Variants in TOP6BL observed in about 807,000 individuals in gnomAD.
The protein encoded by TOP6BL is type 2 DNA topoisomerase 6 subunit B-like.
At chr11:66,749,682 C>G in the TOP6BL span, among the ~76,000 whole-genome samples, 4 of 152,060 alleles carry the variant, frequency 2.6e-5, no homozygotes, top group Non-Finnish European at 4.4e-5. Context: ...CTGCCTCAGC[C>G]TCCTGAGTAG....
chr11:66,750,251 C>T, the TOP6BL span, among the ~76,000 whole-genome samples: 1 of 152,074 alleles, frequency 6.6e-6, no homozygotes. Flanking sequence ...GTCAGTTACA[C>T]ACACATATGG....
At chr11:66,775,917 A>T in the TOP6BL span, among the ~76,000 whole-genome samples, 5 of 151,870 alleles carry the variant, frequency 3.3e-5, no homozygotes, top group Admixed American at 6.6e-5. Flanking sequence ...ATTATGAATG[A>T]TATTCATTTT....
the TOP6BL span, among the ~76,000 whole-genome samples, chr11:66,778,995 C>G: frequency 6.6e-6 from 1 of 152,132 alleles, no homozygotes; most frequent in Non-Finnish European, 1.5e-5. Context: ...TTCCTTACAC[C>G]TTATACAAAA....
chr11:66,813,617 C>G, the TOP6BL span, among the ~76,000 whole-genome samples: 7 of 152,112 alleles, frequency 4.6e-5, no homozygotes, highest in Non-Finnish European at 1.0e-4. Context: ...CCTGTAATCC[C>G]AGCTACTTGG....
At chr11:66,773,458 ATTATC>A in the TOP6BL span, among the ~76,000 whole-genome samples, 1 of 151,038 alleles carries the variant, frequency 6.6e-6, no homozygotes, top group Admixed American at 6.6e-5. Flanking sequence ...AATTTTCCTT[ATTATC>A]TTTCTAATGT....
the TOP6BL span, among the ~76,000 whole-genome samples, chr11:66,745,311 G>C: frequency 3.6e-4 from 54 of 150,144 alleles, 4 homozygotes; most frequent in African/African-American, 9.5e-4. Context: ...TTGCGGGGCG[G>C]GGTGGGGGGA....
chr11:66,831,925 C>T, the TOP6BL span, among the ~76,000 whole-genome samples: 599 of 130,834 alleles, frequency 4.6e-3, 7 homozygotes, highest in African/African-American at 0.016. Flanking sequence ...TGAACCCGGG[C>T]GGCAGAAGTT....
At chr11:66,793,844 A>G in the TOP6BL span, among the ~76,000 whole-genome samples, 1 of 151,322 alleles carries the variant, frequency 6.6e-6, no homozygotes, top group Non-Finnish European at 1.5e-5. Context: ...GCAGTGGCTT[A>G]TGTGTAATTC....
At chr11:66,796,423 C>A in the TOP6BL span, 2 of 1,317,636 alleles carry the variant, frequency 1.5e-6, no homozygotes, top group Non-Finnish European at 2.2e-6. Flanking sequence ...TTTCCAGAGA[C>A]CTTTACTGTG....
chr11:66,821,619 A>G, the TOP6BL span: 4 of 1,578,920 alleles, frequency 2.5e-6, no homozygotes, highest in African/African-American at 5.4e-5. Flanking sequence ...TATAGTGATA[A>G]TTTTACCTTC....
the TOP6BL span, chr11:66,756,632 CTG>C: frequency 1.4e-6 from 1 of 697,128 alleles, no homozygotes; most frequent in African/African-American, 1.9e-5. Flanking sequence ...AGAGACTTAT[CTG>C]TAAAATACAT....
At chr11:66,827,244 T>G in the TOP6BL span, among the ~76,000 whole-genome samples, 16 of 151,716 alleles carry the variant, frequency 1.1e-4, no homozygotes, top group African/African-American at 3.9e-4. Context: ...GAGACAGGGT[T>G]TCTCCATGTT....
chr11:66,774,161 A>T, the TOP6BL span, among the ~76,000 whole-genome samples: 1 of 152,082 alleles, frequency 6.6e-6, no homozygotes, highest in Admixed American at 6.6e-5. Context: ...TTTATTTATG[A>T]TGTAAGTTAG....
chr11:66,801,418 A>T, the TOP6BL span, among the ~76,000 whole-genome samples: 1 of 152,212 alleles, frequency 6.6e-6, no homozygotes, highest in Non-Finnish European at 1.5e-5. Flanking sequence ...CTTTACTTGA[A>T]TTCTTGGCTA....
At chr11:66,773,297 T>C in the TOP6BL span, among the ~76,000 whole-genome samples, 1 of 151,622 alleles carries the variant, frequency 6.6e-6, no homozygotes, top group Non-Finnish European at 1.5e-5. Flanking sequence ...CAAGCGATCC[T>C]CTTGCCTCAG....
At chr11:66,798,298 C>T in the TOP6BL span, among the ~76,000 whole-genome samples, 25 of 152,028 alleles carry the variant, frequency 1.6e-4, no homozygotes, top group Non-Finnish European at 2.6e-4. Flanking sequence ...TGGATAGTTC[C>T]TTTAAAAAGG....
the TOP6BL span, chr11:66,838,500 CG>C: frequency 1.3e-5 from 20 of 1,516,824 alleles, no homozygotes; most frequent in African/African-American, 2.1e-4. Context: ...AAGTAAAAAA[CG>C]TGAGTTCAAA....
chr11:66,800,995 CTT>C, the TOP6BL span: 1 of 1,605,110 alleles, frequency 6.2e-7, no homozygotes, highest in Non-Finnish European at 8.5e-7. Context: ...ATTTTAGAAT[CTT>C]TGAGAGATGG....
chr11:66,826,727 G>C, the TOP6BL span, among the ~76,000 whole-genome samples: 4 of 151,920 alleles, frequency 2.6e-5, no homozygotes, highest in Non-Finnish European at 5.9e-5. Context: ...TTGTTGCCCA[G>C]GCTGGAGTGC....
Sources: gnomAD v4.1 joint callset for allele counts (sites outside exome capture counted in the v4.1 genomes callset) on GRCh38, gnomAD v4.1.1 for gene constraint, MANE v1.5 for transcripts, NCBI Gene and HGNC (gene_info 2026-07-23, HGNC 2026-07-21) for gene names.